The following DEXI variants were observed in gnomAD, a reference collection of about 807,000 sequenced individuals.
DEXI encodes the protein Dexi homolog, also known as dexamethasone-induced protein.
A neutral mutation model predicts 2.5 loss-of-function variants in DEXI; 2 were observed. The ratio of observed to expected loss-of-function variants is 0.81; its 90% CI spans 0.33 to 2.55. The LOEUF (loss-of-function observed/expected upper bound fraction) is 2.55, where lower values mean the gene tolerates loss of function less well. Among genes scored for constraint, DEXI ranks in the 30% most tolerant of loss-of-function variants. The pLI, the probability that DEXI is intolerant of heterozygous loss-of-function variation, is 0.11. For missense variants in DEXI, 108 were observed against 130.3 expected, an observed-to-expected ratio of 0.83 and a Z score of 0.83; for synonymous variants, 71 against 68.7, an observed-to-expected ratio of 1.03 and a Z score of -0.17.
At chr16:10,931,881 A>C (rs1326924316) in intron 1 of DEXI, 2 of 152,196 alleles carry the variant, frequency 1.3e-5, no homozygotes, top group Non-Finnish European at 2.9e-5. Context: ...ACAGAGTGAG[A>C]CTCTGTCTCA....
At position 10,940,926 on chromosome 16, in the gene DEXI, C is replaced by G. The variant is rs1187723117; in HGVS notation, c.*149+643G>C. ...CTGCCTGCCTGTTCTGTGAAGGGAG[C>G]CTACAAAACTGGCAGCCCCTGCAGT... On this transcript the variant is annotated intron_variant, in intron 1 of 1. Coordinates refer to ENST00000331808, the MANE Select transcript of DEXI (RefSeq NM_014015.4). The surrounding 1 kb of genome is among the most constrained non-coding windows in gnomAD (Gnocchi z 4.2). 1.3e-5 allele frequency: 2 copies of G among 152,248 alleles called. No homozygotes were observed. The highest frequency in any genetic ancestry group is 2.4e-5 in the African/African-American group (1 of 41,458). 9.4% of individuals were successfully genotyped at this position (152,248 alleles called of 1,614,324 possible).
intron 1 of DEXI, chr16:10,932,875 G>C (rs1422522961): frequency 6.6e-6 from 1 of 151,928 alleles, no homozygotes; most frequent in African/African-American, 2.4e-5. Context: ...TTTTAGTAGA[G>C]ATGGGGTTTC....
chr16:10,935,610 A>T (rs1272586408), intron 1 of DEXI: 1 of 152,248 alleles, frequency 6.6e-6, no homozygotes, highest in East Asian at 1.9e-4. Flanking sequence ...AATAATAGTA[A>T]CTTGACAGTG....
chr16:10,929,359 A>G lies in DEXI; in HGVS notation c.*350T>C. On this transcript the variant is annotated 3_prime_UTR_variant, in exon 2 of 2. Coordinates refer to ENST00000331808, the MANE Select transcript of DEXI (RefSeq NM_014015.4). This position sits in a 1 kb window ranked among gnomAD's most constrained non-coding sequence, Gnocchi z 4.3. The stretch of plus-strand genomic sequence containing the variant: ...CTGGGTTCCTGTAAACATCCATCGC[A>G]GCTGCAAATAATCAGAAGCCAAGGC... The G allele has an allele frequency of 1.0e-6, 1 of 985,924 alleles. No individual in the cohort carries two copies. The highest frequency in any genetic ancestry group is 1.2e-6 in the Non-Finnish European group (1 of 829,958). The allele number at this position is 985,924 out of a possible 1,614,324, so 61.1% of individuals were successfully genotyped here.
rs1356603963 is a variant in DEXI at position 10,941,805 on chromosome 16, G to T, written c.201C>A (p.Leu67=). Residue 67 remains leucine, a synonymous_variant, in exon 1 of 2, where the codon CTC becomes CTA. Transcript: ENST00000331808. The surrounding 1 kb of genome is among the most constrained non-coding windows in gnomAD (Gnocchi z 6.4). ...GGTCGGAGAGCACGCCGAGGTCCAC[G>T]AGCGCCTGGTCCATGTCCTCGGGCA... ...VFLPEDMDQA[L]VDLGVLSDPG... The T allele has an allele frequency of 6.2e-7, 1 of 1,613,616 alleles. No individual in the cohort carries two copies. The highest frequency in any genetic ancestry group is 8.5e-7 in the Non-Finnish European group (1 of 1,179,856).
rs2041057369 is a variant in DEXI, at chr16:10,938,305, GCCT to G, written c.*149+3261_*149+3263del. On this transcript the variant is annotated intron_variant, in intron 1 of 1. Coordinates refer to ENST00000331808, the MANE Select transcript of DEXI (RefSeq NM_014015.4). The surrounding 1 kb of genome is among the most constrained non-coding windows in gnomAD (Gnocchi z 4.9). ...GGCTCTTAACCATGACCCTAATACT[GCCT>G]CCTCAAGTAGGTGCTCAGCAAATGT... 6.6e-6 allele frequency: 1 copy of G among 151,668 alleles called. No homozygotes were observed. Among genetic ancestry groups the G allele is most frequent in the South Asian group, 2.1e-4 (1 of 4,802 alleles). The allele number at this position is 151,668 out of a possible 1,614,324, so 9.4% of individuals were successfully genotyped here. A position where few individuals can be genotyped will look rare whatever the true frequency, so the allele number is the denominator to read the frequency against.
intron 1 of DEXI, chr16:10,935,382 C>T (rs543657644): frequency 8.1e-4 from 124 of 152,302 alleles, no homozygotes; most frequent in African/African-American, 2.6e-3. Context: ...CTCTTTTTAA[C>T]AAAGAATACA....
Position 10,941,995 on chromosome 16 carries a change from G to C in DEXI, c.11C>G (p.Ala4Gly), listed in dbSNP as rs774756243. Reference sequence around the variant, plus strand: ...TGCGTCCAGGTGGGCCGCGACCCGGGCGCCGAGCATGCAGCGGGTGGCAAG... The same window carrying C: ...TGCGTCCAGGTGGGCCGCGACCCGGCCGCCGAGCATGCAGCGGGTGGCAAG... MLGARVAAHLDALG... is the reference protein window; with the variant it reads MLGGRVAAHLDALG... The change falls in exon 1 of 2, where the codon GCC (alanine) becomes GGC (glycine). Residue 4 changes from alanine (A) to glycine (G), a missense_variant. Ala to Gly is a moderately conservative substitution (Grantham distance 60). Transcript: ENST00000331808. The surrounding 1 kb of genome is among the most constrained non-coding windows in gnomAD (Gnocchi z 6.4). 3.4e-6 allele frequency: 5 copies of C among 1,470,886 alleles called. No individual in the cohort carries two copies. The African/African-American group carries it at 7.3e-5, about 21-fold the overall frequency. 91.1% of individuals were successfully genotyped at this position (1,470,886 alleles called of 1,614,324 possible). A position where few individuals can be genotyped will look rare whatever the true frequency, so the allele number is the denominator to read the frequency against.
chr16:10,935,929 G>A (rs1221236189), intron 1 of DEXI: 1 of 152,060 alleles, frequency 6.6e-6, no homozygotes, highest in Non-Finnish European at 1.5e-5. Context: ...AGCTGATCTG[G>A]GATTGCATCT....
In DEXI at chr16:10,929,605, C is replaced by T. The variant is rs2040689665; in HGVS notation, c.*150-46G>A. 12 of 980,586 alleles carry T rather than the reference C, an allele frequency of 1.2e-5. No individual in the cohort carries two copies. Among genetic ancestry groups the T allele is most frequent in the Non-Finnish European group, 1.5e-5 (12 of 825,652 alleles). The allele number at this position is 980,586 out of a possible 1,614,324, so 60.7% of individuals were successfully genotyped here. On this transcript the variant is annotated intron_variant, in intron 1 of 1. Coordinates refer to ENST00000331808, the MANE Select transcript of DEXI (RefSeq NM_014015.4). This position sits in a 1 kb window ranked among gnomAD's most constrained non-coding sequence, Gnocchi z 4.3. ...GGGTTATTAGCACGGAAGCCCCACCCTGCCACCAGGTTGGCTGGGGACAGG... is the reference window on the plus strand; with the variant it reads ...GGGTTATTAGCACGGAAGCCCCACCTTGCCACCAGGTTGGCTGGGGACAGG...
Position 10,929,211 on chromosome 16 carries a change from A to G in DEXI, c.*498T>C, listed in dbSNP as rs1307633072. The G allele has an allele frequency of 1.0e-6, 1 of 985,706 alleles. No homozygotes were observed. Among genetic ancestry groups the G allele is most frequent in the African/African-American group, 1.7e-5 (1 of 57,228 alleles). 61.1% of individuals were successfully genotyped at this position (985,706 alleles called of 1,614,324 possible). On this transcript the variant is annotated 3_prime_UTR_variant, in exon 2 of 2. Transcript: ENST00000331808. The surrounding 1 kb of genome is among the most constrained non-coding windows in gnomAD (Gnocchi z 4.3). ...TAAACCCAGCTGGCCTGAAGGCTCA[A>G]CTCACATCAAACGGAGCTGGGAGTC...
Position 10,929,195 on chromosome 16 carries a change from C to T in DEXI, c.*514G>A. ...AAGACCAGCCTCGGGCTAAACCCAGCTGGCCTGAAGGCTCAACTCACATCA... is the reference window on the plus strand; with the variant it reads ...AAGACCAGCCTCGGGCTAAACCCAGTTGGCCTGAAGGCTCAACTCACATCA... On this transcript the variant is annotated 3_prime_UTR_variant, in exon 2 of 2. Coordinates refer to ENST00000331808, the MANE Select transcript of DEXI (RefSeq NM_014015.4). The surrounding 1 kb of genome is among the most constrained non-coding windows in gnomAD (Gnocchi z 4.3). The T allele has an allele frequency of 1.0e-6, 1 of 985,578 alleles. No individual in the cohort carries two copies. Among genetic ancestry groups the T allele is most frequent in the Non-Finnish European group, 1.2e-6 (1 of 829,730 alleles). The allele number at this position is 985,578 out of a possible 1,614,324, so 61.1% of individuals were successfully genotyped here. A position where few individuals can be genotyped will look rare whatever the true frequency, so the allele number is the denominator to read the frequency against.
chr16:10,941,558 A>C lies in DEXI; in HGVS notation c.*149+11T>G. On this transcript the variant is annotated intron_variant, in intron 1 of 1. Coordinates refer to ENST00000331808, the MANE Select transcript of DEXI (RefSeq NM_014015.4). The surrounding 1 kb of genome is among the most constrained non-coding windows in gnomAD (Gnocchi z 6.4). ...CAACCCGCCCTCATCCTGTTCAGAG[A>C]GGGCACTTACAGGCCTCGGAGGCAG... 1 of 1,445,020 alleles carries C rather than the reference A, an allele frequency of 6.9e-7. No homozygotes were observed. Among genetic ancestry groups the C allele is most frequent in the Non-Finnish European group, 9.1e-7 (1 of 1,097,190 alleles). The allele number at this position is 1,445,020 out of a possible 1,614,324, so 89.5% of individuals were successfully genotyped here. A position where few individuals can be genotyped will look rare whatever the true frequency, so the allele number is the denominator to read the frequency against.
intron 1 of DEXI, chr16:10,930,830 T>C (rs1417883237): frequency 6.6e-6 from 1 of 152,240 alleles, no homozygotes; most frequent in African/African-American, 2.4e-5. Context: ...GCCTGCTTGG[T>C]CCTCAGGCTG....
In DEXI at chr16:10,941,594, C is replaced by T. The variant is rs2145447939; in HGVS notation, c.*124G>A. 1.4e-6 allele frequency: 2 copies of T among 1,479,014 alleles called. No individual in the cohort carries two copies. The highest frequency in any genetic ancestry group is 1.4e-5 in the South Asian group (1 of 70,544). The allele number at this position is 1,479,014 out of a possible 1,614,324, so 91.6% of individuals were successfully genotyped here. On this transcript the variant is annotated 3_prime_UTR_variant, in exon 1 of 2. Coordinates refer to ENST00000331808, the MANE Select transcript of DEXI (RefSeq NM_014015.4). This position sits in a 1 kb window ranked among gnomAD's most constrained non-coding sequence, Gnocchi z 6.4. Reference sequence around the variant, plus strand: ...AGGCCTCGGAGGCAGGGGAGGGTCTCCTCCTGGGGAACCATCCCCGTCCAG... The same window carrying T: ...AGGCCTCGGAGGCAGGGGAGGGTCTTCTCCTGGGGAACCATCCCCGTCCAG...
At position 10,942,026 on chromosome 16, in the gene DEXI, C is replaced by G; in HGVS notation, c.-21G>C. 9 of 1,392,866 alleles carry G rather than the reference C, an allele frequency of 6.5e-6. No homozygotes were observed. The highest frequency in any genetic ancestry group is 8.4e-6 in the Non-Finnish European group (9 of 1,074,478). 86.3% of individuals were successfully genotyped at this position (1,392,866 alleles called of 1,614,324 possible). A position where few individuals can be genotyped will look rare whatever the true frequency, so the allele number is the denominator to read the frequency against. On this transcript the variant is annotated 5_prime_UTR_variant, in exon 1 of 2. Transcript: ENST00000331808. The surrounding 1 kb of genome is among the most constrained non-coding windows in gnomAD (Gnocchi z 5.0). ...AGCATGCAGCGGGTGGCAAGGGCGG[C>G]GGCCCGGCGATCCCGGCGAACTCAG...
At chr16:10,935,303 G>C (rs1053008215) in intron 1 of DEXI, 13 of 152,246 alleles carry the variant, frequency 8.5e-5, no homozygotes, top group African/African-American at 3.1e-4. Context: ...CAATCCTTAT[G>C]ATTATTTAGA....
At position 10,941,481 on chromosome 16, in the gene DEXI, G is replaced by A. The variant is rs544167948; in HGVS notation, c.*149+88C>T. On this transcript the variant is annotated intron_variant, in intron 1 of 1. Coordinates refer to ENST00000331808, the MANE Select transcript of DEXI (RefSeq NM_014015.4). The surrounding 1 kb of genome is among the most constrained non-coding windows in gnomAD (Gnocchi z 6.4). ...GAGGTGAACGGAGGAGAAGCCTGAG[G>A]GAGGGGTGTGTATCCGGCCTGGGAA... 27 of 1,277,982 alleles carry A rather than the reference G, an allele frequency of 2.1e-5. No individual in the cohort carries two copies. In the African/African-American group the frequency reaches 4.1e-4, roughly 19 times the overall value. 79.2% of individuals were successfully genotyped at this position (1,277,982 alleles called of 1,614,324 possible). A position where few individuals can be genotyped will look rare whatever the true frequency, so the allele number is the denominator to read the frequency against.
At chr16:10,933,340 G>C (rs183746719) in intron 1 of DEXI, 8 of 152,434 alleles carry the variant, frequency 5.2e-5, no homozygotes, top group Admixed American at 3.9e-4. Context: ...AGATGGCCCT[G>C]GCGTTTTACG....
Sources: allele counts gnomAD v4.1 joint callset, GRCh38; gene constraint gnomAD v4.1.1; non-coding constraint Gnocchi (gnomAD v3.1); transcripts MANE v1.5; gene names NCBI Gene and HGNC (gene_info 2026-07-23, HGNC 2026-07-21).